AIF1L: variants seen among roughly 807,000 people sequenced by gnomAD.
AIF1L encodes the protein allograft inflammatory factor 1 like, also known as allograft inflammatory factor 1-like.
In AIF1L, 12 loss-of-function variants were observed where a neutral mutation model predicts 20.7. The ratio of observed to expected loss-of-function variants is 0.58; its 90% confidence interval spans 0.37 to 0.94. AIF1L has a LOEUF of 0.94. Among genes scored for constraint, AIF1L ranks in the 40% least tolerant of loss-of-function variants. The pLI is 0.01. For synonymous variants in AIF1L, 76 were observed against 65.1 expected (o/e 1.17, Z -0.81); for missense variants, 173 against 185.3 (o/e 0.93, Z 0.39).
At position 131,096,647 on chromosome 9, in the gene AIF1L, C is replaced by T; in HGVS notation, c.18C>T (p.Ser6=). 1 of 1,485,694 alleles carries T rather than the reference C, an allele frequency of 6.7e-7. No individual in the cohort carries two copies. The highest frequency in any genetic ancestry group is 1.5e-5 in the African/African-American group (1 of 68,294). 92.0% of individuals were successfully genotyped at this position (1,485,694 alleles called of 1,614,324 possible). A position where few individuals can be genotyped will look rare whatever the true frequency, so the allele number is the denominator to read the frequency against. Residue 6 remains serine, a synonymous_variant, in exon 1 of 6, where the codon AGC becomes AGT. Transcript: ENST00000247291. ...CGCTCGCCATGTCGGGCGAGCTCAG[C>T]AACAGGTTCCAAGGTAGGCGCCGCC... is the stretch of plus-strand genomic sequence containing the variant. MSGEL[S]NRFQGGKAFG... is the part of the protein sequence containing the mutation.
Position 131,120,441 on chromosome 9 carries a change from G to T in AIF1L, c.*119G>T, listed in dbSNP as rs1831111161. The stretch of plus-strand genomic sequence containing the variant: ...TTGTTTGGTCATTGAGGGTTTGTTT[G>T]TGTTTTCATCAATGTCTTTGTAAAG... On this transcript the variant is annotated 3_prime_UTR_variant, in exon 6 of 6. Transcript: ENST00000247291. The T allele has an allele frequency of 1.2e-6, 1 of 857,724 alleles. No homozygotes were observed. Among genetic ancestry groups the T allele is most frequent in the African/African-American group, 1.7e-5 (1 of 57,562 alleles). 53.1% of individuals were successfully genotyped at this position (857,724 alleles called of 1,614,324 possible).
rs376494825 is a variant in AIF1L, at chr9:131,120,033, A to G, written c.366-202A>G. ...AGTCATATCACCACTTTGCGCCTCC[A>G]TTTTCTCCTCTGTAAAATGGGACTA... On this transcript the variant is annotated intron_variant, in intron 5 of 5. Coordinates refer to ENST00000247291, the MANE Select transcript of AIF1L (RefSeq NM_031426.4). Among the ~76,000 whole-genome samples the G allele has an allele frequency of 3.3e-5, 5 of 151,780 alleles. No homozygotes were observed. The East Asian group carries it at 7.7e-4, about 23-fold the overall frequency.
chr9:131,112,863 C>T (rs1830925107), intron 3 of AIF1L, among the ~76,000 whole-genome samples: 1 of 152,170 alleles, frequency 6.6e-6, no homozygotes. Context: ...CCAGGGGTGG[C>T]TCTGGGAGGA....
At chr9:131,116,991 C>A (rs1293410816) in intron 4 of AIF1L, among the ~76,000 whole-genome samples, 1 of 152,230 alleles carries the variant, frequency 6.6e-6, no homozygotes, top group African/African-American at 2.4e-5. Context: ...CCAGCCCTCT[C>A]CTGCCATCCT....
At chr9:131,115,146 C>T (rs907270915) in intron 4 of AIF1L, among the ~76,000 whole-genome samples, 2 of 152,070 alleles carry the variant, frequency 1.3e-5, no homozygotes, top group Admixed American at 1.3e-4. Context: ...ATGAGGAAAG[C>T]AAGACTCAGA....
chr9:131,120,155 G>A, intron 5 of AIF1L, 80 bp from the exon 6 acceptor site: 1 of 1,366,434 alleles, frequency 7.3e-7, no homozygotes, highest in Non-Finnish European at 1.0e-6. Context: ...ACATGAGGCT[G>A]GGATGATCTT....
chr9:131,096,590 G>A lies in AIF1L; in HGVS notation c.-40G>A, dbSNP rs762841300. On this transcript the variant is annotated 5_prime_UTR_variant, in exon 1 of 6. Transcript: ENST00000247291. ...GTGCCTCCTCCTCGTCCCTCGCCGC[G>A]TCCGCGAAGCCTGGAGCCGGCGGGA... 4 of 1,484,146 alleles carry A rather than the reference G, an allele frequency of 2.7e-6. No individual in the cohort carries two copies. Among genetic ancestry groups the A allele is most frequent in the Admixed American group, 4.7e-5 (2 of 43,002 alleles). 91.9% of individuals were successfully genotyped at this position (1,484,146 alleles called of 1,614,324 possible).
chr9:131,109,423 G>T (rs1303571522), intron 2 of AIF1L, among the ~76,000 whole-genome samples: 1 of 152,128 alleles, frequency 6.6e-6, no homozygotes, highest in African/African-American at 2.4e-5. Context: ...GCCGAGCATG[G>T]TGGCACACTC....
intron 4 of AIF1L, among the ~76,000 whole-genome samples, chr9:131,116,772 G>T (rs906407991): frequency 6.6e-5 from 10 of 152,226 alleles, no homozygotes; most frequent in Admixed American, 6.5e-4. Context: ...TGGGTCAAAG[G>T]CTTTTGAAGC....
chr9:131,113,264 G>A lies in AIF1L; in HGVS notation c.161-1313G>A, dbSNP rs777475189. ...TGTAATCCCAGCACTTTGGGAGGCC[G>A]AGGTGGGTGGATCACCTGAGGTCGG... On this transcript the variant is annotated intron_variant, in intron 3 of 5. Transcript: ENST00000247291. Among the ~76,000 whole-genome samples, 6 of 151,822 alleles carry A rather than the reference G, an allele frequency of 4.0e-5. No individual in the cohort carries two copies. In the South Asian group the frequency reaches 6.2e-4, roughly 16 times the overall value.
At chr9:131,115,449 CAAAAAAAAAAA>C (rs746698091) in intron 4 of AIF1L, among the ~76,000 whole-genome samples, 11 of 60,404 alleles carry the variant, frequency 1.8e-4, no homozygotes, top group Admixed American at 8.6e-4. Flanking sequence ...GATTCTGTCT[CAAAAAAAAAAA>C]AAAAAAAAAA....
At chr9:131,117,548 C>T (rs560592854) in intron 4 of AIF1L, among the ~76,000 whole-genome samples, 6 of 152,294 alleles carry the variant, frequency 3.9e-5, no homozygotes, top group East Asian at 1.9e-4. Context: ...AATGCAAGCC[C>T]GTCTGACTCT....
In AIF1L at chr9:131,096,743, C is replaced by T. The variant is rs577717243; in HGVS notation, c.32-59C>T. The T allele has an allele frequency of 9.7e-5, 144 of 1,488,152 alleles. No individual in the cohort carries two copies. In the African/African-American group the frequency reaches 1.2e-3, roughly 13 times the overall value. 92.2% of individuals were successfully genotyped at this position (1,488,152 alleles called of 1,614,324 possible). A position where few individuals can be genotyped will look rare whatever the true frequency, so the allele number is the denominator to read the frequency against. On this transcript the variant is annotated intron_variant, in intron 1 of 5. Coordinates refer to ENST00000247291, the MANE Select transcript of AIF1L (RefSeq NM_031426.4). ...ACCGCGCGCGGGAAGCGGGCGGGGA[C>T]GGGGGCGCGTGGCCCGAAGAGGACC...
chr9:131,112,581 T>A (rs961238668), intron 3 of AIF1L: 2 of 152,290 alleles, frequency 1.3e-5, no homozygotes, highest in Non-Finnish European at 2.9e-5. Context: ...CACTTGTTAA[T>A]GTGCAGATGG....
chr9:131,117,130 G>C (rs1394633623), intron 4 of AIF1L, among the ~76,000 whole-genome samples: 1 of 152,150 alleles, frequency 6.6e-6, no homozygotes, highest in East Asian at 1.9e-4. Context: ...TGTTTTTCTT[G>C]AATTTTGTTC....
chr9:131,114,792 T>C (rs998837914), intron 4 of AIF1L, among the ~76,000 whole-genome samples, 174 bp downstream of exon 4: 14 of 152,034 alleles, frequency 9.2e-5, no homozygotes, highest in African/African-American at 3.1e-4. Context: ...CTCAGACTCC[T>C]CCAGACCCTT....
chr9:131,121,460 G>A lies in AIF1L; in HGVS notation c.*1138G>A, dbSNP rs746904946. The A allele has an allele frequency of 8.7e-6, 2 of 230,644 alleles. No individual in the cohort carries two copies. The highest frequency in any genetic ancestry group is 1.7e-5 in the Non-Finnish European group (2 of 118,756). The allele number at this position is 230,644 out of a possible 1,614,324, so 14.3% of individuals were successfully genotyped here. A position where few individuals can be genotyped will look rare whatever the true frequency, so the allele number is the denominator to read the frequency against. On this transcript the variant is annotated 3_prime_UTR_variant, in exon 6 of 6. Coordinates refer to ENST00000247291, the MANE Select transcript of AIF1L (RefSeq NM_031426.4). ...CACCTGTGTCCTTTCTTATGGACTC[G>A]CAGGATTTTAGAACCCTAATGCACC...
At chr9:131,116,836 G>A (rs749693324) in intron 4 of AIF1L, among the ~76,000 whole-genome samples, 11 of 152,340 alleles carry the variant, frequency 7.2e-5, no homozygotes, top group East Asian at 1.9e-4. Flanking sequence ...CTGGCAGTGC[G>A]TGTGCAGCCC....
chr9:131,100,882 G>A (rs1191903253), intron 2 of AIF1L, among the ~76,000 whole-genome samples: 1 of 152,176 alleles, frequency 6.6e-6, no homozygotes, highest in African/African-American at 2.4e-5. Context: ...GAGCTGGCTA[G>A]CAAGTGAGGT....
Sources: allele counts gnomAD v4.1 joint callset (sites outside exome capture counted in the v4.1 genomes callset), GRCh38; gene constraint gnomAD v4.1.1; transcripts MANE v1.5; gene names NCBI Gene and HGNC (gene_info 2026-07-23, HGNC 2026-07-21).